The following UBOX5 variants were observed in gnomAD, a reference collection of about 807,000 sequenced individuals.
UBOX5 encodes U-box domain containing 5.
UBOX5 carries 28 observed loss-of-function variants against 39.0 expected under a neutral mutation model. The observed-to-expected ratio is 0.72, with a 90% CI of 0.53 to 0.98. The LOEUF is 0.98. Among genes scored for constraint, UBOX5 ranks in the 50% least tolerant of loss-of-function variants. The pLI, the probability that UBOX5 is intolerant of heterozygous loss-of-function variation, is 0.00. For missense variants in UBOX5, 585 were observed against 674.4 expected (o/e 0.87, Z 1.47); for synonymous variants, 283 against 275.5 (o/e 1.03, Z -0.27).
intron 1 of UBOX5, among the ~76,000 whole-genome samples, chr20:3,145,873 C>T (rs1402232705): frequency 6.6e-6 from 1 of 151,906 alleles, no homozygotes; most frequent in Admixed American, 6.6e-5. Flanking sequence ...TGGTGAAACC[C>T]CATCTCAAAT....
chr20:3,136,519 A>C (rs934378184), intron 1 of UBOX5, among the ~76,000 whole-genome samples: 5 of 150,312 alleles, frequency 3.3e-5, no homozygotes, highest in Admixed American at 3.3e-4. Context: ...ACACTCGGCT[A>C]ATTTTTTGCA....
At chr20:3,128,600 A>C (rs527812020) in intron 1 of UBOX5, among the ~76,000 whole-genome samples, 1 of 152,196 alleles carries the variant, frequency 6.6e-6, no homozygotes, top group East Asian at 1.9e-4. Context: ...AGTGGCTCAC[A>C]CCTATAATCC....
intron 4 of UBOX5, among the ~76,000 whole-genome samples, chr20:3,114,131 T>C (rs1045585962): frequency 2.6e-5 from 4 of 152,006 alleles, no homozygotes; most frequent in Admixed American, 6.6e-5. Context: ...CAAGACTCCA[T>C]CTTAAAAAAA....
intron 1 of UBOX5, among the ~76,000 whole-genome samples, chr20:3,135,748 T>G (rs1397286284): frequency 6.6e-6 from 1 of 150,720 alleles, no homozygotes; most frequent in Non-Finnish European, 1.5e-5. Flanking sequence ...TCATTTGGGG[T>G]TTTGATGTAA....
chr20:3,139,694 G>A (rs7362849), intron 1 of UBOX5, among the ~76,000 whole-genome samples: 17,782 of 151,898 alleles, frequency 0.12, 2,062 homozygotes, highest in East Asian at 0.41. Flanking sequence ...GATTACAGGC[G>A]TGAGCCACTG....
intron 3 of UBOX5, among the ~76,000 whole-genome samples, chr20:3,120,588 G>A (rs1384988027): frequency 6.6e-6 from 1 of 150,490 alleles, no homozygotes; most frequent in East Asian, 2.0e-4. Flanking sequence ...AGAGCTTGCA[G>A]TGAGCCGAGA....
intron 3 of UBOX5, among the ~76,000 whole-genome samples, chr20:3,120,538 C>A (rs574905953): frequency 6.6e-6 from 1 of 150,462 alleles, no homozygotes; most frequent in African/African-American, 2.5e-5. Flanking sequence ...CCCAGCTACT[C>A]GGGAGGCTGA....
At chr20:3,146,628 A>G (rs749389942) in intron 1 of UBOX5, 38 of 851,826 alleles carry the variant, frequency 4.5e-5, no homozygotes, top group Non-Finnish European at 6.5e-5. Flanking sequence ...AGTAACATAC[A>G]CTAGCTCTAA....
chr20:3,114,832 C>T (rs1445285901), intron 4 of UBOX5, among the ~76,000 whole-genome samples: 2 of 152,126 alleles, frequency 1.3e-5, no homozygotes, highest in Non-Finnish European at 2.9e-5. Flanking sequence ...CCTGTAATCC[C>T]AGCTACTCAG....
At chr20:3,136,007 C>T (rs2066468951) in intron 1 of UBOX5, 1 of 152,188 alleles carries the variant, frequency 6.6e-6, no homozygotes, top group African/African-American at 2.4e-5. Context: ...TCCTAGATGA[C>T]AACAGCAATT....
At chr20:3,147,808 T>A in intron 1 of UBOX5, 3 of 1,614,172 alleles carry the variant, frequency 1.9e-6, no homozygotes, top group Non-Finnish European at 2.5e-6. Flanking sequence ...AGTGTGCCAC[T>A]CTAGGAGGCA....
chr20:3,125,006 GA>G (rs2066369464), intron 1 of UBOX5, among the ~76,000 whole-genome samples: 1 of 146,624 alleles, frequency 6.8e-6, no homozygotes, highest in African/African-American at 2.5e-5. Flanking sequence ...CGCCCCGTCT[GA>G]GAAGTGAGGA....
rs773607934 is a variant in UBOX5 at position 3,110,101 on chromosome 20, G to C, written c.*5C>G. The C allele has an allele frequency of 6.2e-7, 1 of 1,610,594 alleles. No homozygotes were observed. Among genetic ancestry groups the C allele is most frequent in the Non-Finnish European group, 8.5e-7 (1 of 1,179,994 alleles). On this transcript the variant is annotated 3_prime_UTR_variant, in exon 5 of 5. Transcript: ENST00000217173. ...AATGGGTCTCCTCCAGTGGAGGTCA[G>C]TCACTCAGAAGTGGACCCGCAGCAC...
chr20:3,147,218 A>T, intron 1 of UBOX5: 1 of 1,614,216 alleles, frequency 6.2e-7, no homozygotes, highest in Non-Finnish European at 8.5e-7. Context: ...CACATGCTCA[A>T]GCCTTAATTT....
intron 1 of UBOX5, among the ~76,000 whole-genome samples, chr20:3,140,836 A>G (rs2066511599): frequency 6.6e-6 from 1 of 151,264 alleles, no homozygotes; most frequent in Non-Finnish European, 1.5e-5. Context: ...TGAGCATAGT[A>G]CTAACAGTTT....
chr20:3,147,534 C>T (rs950795185), intron 1 of UBOX5: 8 of 1,614,168 alleles, frequency 5.0e-6, no homozygotes, highest in Non-Finnish European at 6.8e-6. Context: ...GTATATAGTT[C>T]CTTAAGGAGG....
rs1232851155 is a variant in UBOX5, at chr20:3,149,615, CA to C, written c.-42+10150del. On this transcript the variant is annotated intron_variant, in intron 1 of 4. Coordinates refer to ENST00000217173, the MANE Select transcript of UBOX5 (RefSeq NM_014948.4). This position sits in a 1 kb window ranked among gnomAD's most constrained non-coding sequence, Gnocchi z 4.1. ...AAAGAAGGCTGGGAACAAAAGTGAGCAACTCCTTCCATCTCTTTGATATCAA... is the reference window on the plus strand; with the variant it reads ...AAAGAAGGCTGGGAACAAAAGTGAGCACTCCTTCCATCTCTTTGATATCAA... Among the ~76,000 whole-genome samples, 4 of 152,186 alleles carry C rather than the reference CA, an allele frequency of 2.6e-5. No individual in the cohort carries two copies. The highest frequency in any genetic ancestry group is 9.7e-5 in the African/African-American group (4 of 41,440).
At chr20:3,113,964 T>C (rs1001206720) in intron 4 of UBOX5, among the ~76,000 whole-genome samples, 1 of 152,064 alleles carries the variant, frequency 6.6e-6, no homozygotes, top group African/African-American at 2.4e-5. Context: ...TGAAACCCCA[T>C]CTCTACTAAA....
intron 1 of UBOX5, chr20:3,151,998 G>A (rs1233447873): frequency 6.6e-5 from 10 of 151,226 alleles, no homozygotes; most frequent in African/African-American, 9.7e-5. Context: ...CCAGCCACTC[G>A]GGGGGCTGGG....
Sources: allele counts gnomAD v4.1 joint callset (sites outside exome capture counted in the v4.1 genomes callset), GRCh38; gene constraint gnomAD v4.1.1; non-coding constraint Gnocchi (gnomAD v3.1); transcripts MANE v1.5; gene names NCBI Gene and HGNC (gene_info 2026-07-23, HGNC 2026-07-21).